EFCAB6: variants seen among roughly 807,000 people sequenced by gnomAD.
The protein encoded by EFCAB6 is EF-hand calcium-binding domain-containing protein 6.
EFCAB6 carries 156 observed loss-of-function variants against 169.8 expected under a neutral mutation model. The observed-to-expected ratio is 0.92, with a 90% confidence interval of 0.81 to 1.05. EFCAB6 has a LOEUF of 1.05. Among genes scored for constraint, EFCAB6 ranks in the 50% least tolerant of loss-of-function variants. EFCAB6 has a pLI of 0.00. For missense variants in EFCAB6, 1,800 were observed against 1,829.1 expected (o/e 0.98, Z 0.29); for synonymous variants, 698 against 676.4 (o/e 1.03, Z -0.50).
intron 10 of EFCAB6, among the ~76,000 whole-genome samples, chr22:43,691,051 G>A (rs2147183381): frequency 6.6e-6 from 1 of 151,958 alleles, no homozygotes; most frequent in East Asian, 1.9e-4. Context: ...CTTGATAAAT[G>A]CCTCTTTCTA....
chr22:43,766,252 T>G (rs572024453), intron 4 of EFCAB6, among the ~76,000 whole-genome samples: 10 of 152,166 alleles, frequency 6.6e-5, no homozygotes, highest in Non-Finnish European at 1.5e-4. Context: ...AGGATGGTCT[T>G]GAACTCCTGA....
At chr22:43,799,592 A>G (rs1311502132) in intron 2 of EFCAB6, among the ~76,000 whole-genome samples, 1 of 152,230 alleles carries the variant, frequency 6.6e-6, no homozygotes, top group South Asian at 2.1e-4. Flanking sequence ...ACACAGTACT[A>G]ATTTTATAAC....
At chr22:43,565,682 T>A (rs953128435) in intron 26 of EFCAB6, among the ~76,000 whole-genome samples, 1 of 152,176 alleles carries the variant, frequency 6.6e-6, no homozygotes, top group African/African-American at 2.4e-5. Context: ...TCTGACTGTA[T>A]GATTCATATA....
chr22:43,613,225 A>G (rs2053448910), intron 21 of EFCAB6, among the ~76,000 whole-genome samples: 1 of 148,728 alleles, frequency 6.7e-6, no homozygotes, highest in South Asian at 2.1e-4. Flanking sequence ...TATTTGTTAC[A>G]TAAATATATT....
chr22:43,671,711 T>A (rs2057500858), intron 15 of EFCAB6, among the ~76,000 whole-genome samples: 1 of 152,114 alleles, frequency 6.6e-6, no homozygotes, highest in South Asian at 2.1e-4. Context: ...TTGGAGTGAG[T>A]ATTTAACTTC....
chr22:43,529,368 G>C lies in EFCAB6; in HGVS notation c.4384-393C>G, dbSNP rs1232050487. 2.0e-5 allele frequency among the ~76,000 whole-genome samples: 3 copies of C among 152,316 alleles called. No homozygotes were observed. The East Asian group carries it at 5.8e-4, about 29-fold the overall frequency. On this transcript the variant is annotated intron_variant, in intron 31 of 31. Coordinates refer to ENST00000262726, the MANE Select transcript of EFCAB6 (RefSeq NM_022785.4). ...CAGGCAGGGGAGGGCAGGGCCAGTGGGTGCTGAGTGCAGAGAGTTGCTGTG... is the reference window on the plus strand; with the variant it reads ...CAGGCAGGGGAGGGCAGGGCCAGTGCGTGCTGAGTGCAGAGAGTTGCTGTG...
chr22:43,725,618 C>G (rs747688202), intron 8 of EFCAB6, among the ~76,000 whole-genome samples: 1 of 152,160 alleles, frequency 6.6e-6, no homozygotes, highest in Non-Finnish European at 1.5e-5. Flanking sequence ...TAACACCAAC[C>G]CAGAAAGAAT....
chr22:43,653,319 G>C (rs1199918984), intron 17 of EFCAB6, among the ~76,000 whole-genome samples: 2 of 151,808 alleles, frequency 1.3e-5, no homozygotes, highest in Non-Finnish European at 2.9e-5. Flanking sequence ...CTTAAGAGCT[G>C]CTAGAGAAAA....
intron 6 of EFCAB6, among the ~76,000 whole-genome samples, chr22:43,738,343 T>C (rs997909456): frequency 8.0e-5 from 12 of 150,636 alleles, no homozygotes; most frequent in Non-Finnish European, 4.4e-5. Flanking sequence ...CACACCTGCA[T>C]ATACTCATTC....
At chr22:43,725,611 C>T (rs1268252135) in intron 8 of EFCAB6, among the ~76,000 whole-genome samples, 2 of 152,198 alleles carry the variant, frequency 1.3e-5, no homozygotes, top group Non-Finnish European at 2.9e-5. Context: ...GAAACCATAA[C>T]ACCAACCCAG....
chr22:43,544,143 C>A (rs963519840), intron 27 of EFCAB6, among the ~76,000 whole-genome samples: 3 of 152,068 alleles, frequency 2.0e-5, no homozygotes, highest in Admixed American at 2.0e-4. Context: ...GACACGCCCA[C>A]AACTCTTCCC....
intron 20 of EFCAB6, among the ~76,000 whole-genome samples, chr22:43,625,129 G>A (rs1234736577): frequency 2.0e-5 from 3 of 151,864 alleles, no homozygotes; most frequent in Admixed American, 1.3e-4. Flanking sequence ...TATGAATTCA[G>A]GGAGAAAAAT....
intron 26 of EFCAB6, among the ~76,000 whole-genome samples, chr22:43,575,591 A>T (rs748667416): frequency 1.8e-4 from 27 of 152,144 alleles, no homozygotes; most frequent in Non-Finnish European, 2.9e-4. Flanking sequence ...ATAAGTGCAG[A>T]TACAACATTC....
At chr22:43,605,385 C>G (rs1285049528) in intron 22 of EFCAB6, among the ~76,000 whole-genome samples, 1 of 152,192 alleles carries the variant, frequency 6.6e-6, no homozygotes, top group Non-Finnish European at 1.5e-5. Flanking sequence ...TGGCTCATGC[C>G]TGTAATCCCA....
Position 43,537,193 on chromosome 22 carries a change from T to TAGGAGGG in EFCAB6, c.4048+183_4048+184insCCCTCCT. On this transcript the variant is annotated intron_variant, in intron 29 of 31. Coordinates refer to ENST00000262726, the MANE Select transcript of EFCAB6 (RefSeq NM_022785.4). The surrounding 1 kb of genome is among the most constrained non-coding windows in gnomAD (Gnocchi z 4.3). ...GCCCCCTGCTGGGAGGGCCGGGTAG[T>TAGGAGGG]CGGAATCCTCCTCCATGGGGACCTT... The TAGGAGGG allele has an allele frequency of 1.5e-6, 1 of 656,144 alleles. No individual in the cohort carries two copies. Among genetic ancestry groups the TAGGAGGG allele is most frequent in the Non-Finnish European group, 2.5e-6 (1 of 399,638 alleles). The allele number at this position is 656,144 out of a possible 1,614,324, so 40.6% of individuals were successfully genotyped here. A position where few individuals can be genotyped will look rare whatever the true frequency, so the allele number is the denominator to read the frequency against.
chr22:43,784,605 ATATATG>A (rs2093498512), intron 2 of EFCAB6, among the ~76,000 whole-genome samples: 1 of 91,742 alleles, frequency 1.1e-5, no homozygotes, highest in African/African-American at 4.5e-5. Flanking sequence ...ATATACACAT[ATATATG>A]TGTATATATA....
intron 6 of EFCAB6, among the ~76,000 whole-genome samples, chr22:43,750,697 G>C (rs2060727390): frequency 6.6e-6 from 1 of 152,154 alleles, no homozygotes; most frequent in Non-Finnish European, 1.5e-5. Flanking sequence ...CTAATGTAGT[G>C]TTATAAAATT....
chr22:43,624,174 A>T (rs1407721883), intron 20 of EFCAB6, among the ~76,000 whole-genome samples: 1 of 152,220 alleles, frequency 6.6e-6, no homozygotes, highest in Admixed American at 6.5e-5. Context: ...ATTAAAGGAC[A>T]TGTCTTCAGG....
chr22:43,751,780 G>A (rs568893051), intron 6 of EFCAB6, among the ~76,000 whole-genome samples: 1 of 152,302 alleles, frequency 6.6e-6, no homozygotes, highest in South Asian at 2.1e-4. Context: ...GTAACAAGTT[G>A]TCACATTTGC....
Sources: gnomAD v4.1 joint callset for allele counts (sites outside exome capture counted in the v4.1 genomes callset) on GRCh38, gnomAD v4.1.1 for gene constraint, Gnocchi (gnomAD v3.1) non-coding constraint, MANE v1.5 for transcripts, NCBI Gene and HGNC (gene_info 2026-07-23, HGNC 2026-07-21) for gene names.